Variants in DOCK5 observed in about 807,000 individuals in gnomAD.
The protein encoded by DOCK5 is dedicator of cytokinesis protein 5.
In DOCK5, 142 loss-of-function variants were observed where a neutral mutation model predicts 251.8. The ratio of observed to expected loss-of-function variants is 0.56; its 90% CI spans 0.49 to 0.65. DOCK5 has a LOEUF of 0.65. DOCK5 is among the 30% of genes least tolerant of loss of function. The pLI is 0.00. For synonymous variants in DOCK5, 842 were observed against 835.5 expected (o/e 1.01, Z -0.13); for missense variants, 2,111 against 2,312.3 (o/e 0.91, Z 1.79).
At chr8:25,246,806 A>G (rs963921330) in intron 2 of DOCK5, among the ~76,000 whole-genome samples, 3 of 149,652 alleles carry the variant, frequency 2.0e-5, no homozygotes, top group East Asian at 2.0e-4. Context: ...TGTTTTGTCA[A>G]GCTTTTCTAA....
intron 3 of DOCK5, among the ~76,000 whole-genome samples, chr8:25,272,500 G>A (rs796110180): frequency 5.3e-5 from 8 of 152,282 alleles, no homozygotes; most frequent in African/African-American, 1.9e-4. Flanking sequence ...GATTGTGAAT[G>A]CATGAAAATT....
intron 18 of DOCK5, among the ~76,000 whole-genome samples, chr8:25,328,239 CA>C (rs796609217): frequency 6.6e-6 from 1 of 151,484 alleles, no homozygotes; most frequent in Non-Finnish European, 1.5e-5. Context: ...ATAACACATA[CA>C]AAAAAAGTCA....
chr8:25,256,428 T>G (rs1242922813), intron 2 of DOCK5, among the ~76,000 whole-genome samples: 1 of 151,908 alleles, frequency 6.6e-6, no homozygotes, highest in Non-Finnish European at 1.5e-5. Flanking sequence ...CACTTGAGGT[T>G]AGGAGTTCAA....
chr8:25,337,439 A>G (rs957405398), intron 22 of DOCK5, among the ~76,000 whole-genome samples: 1 of 151,940 alleles, frequency 6.6e-6, no homozygotes, highest in African/African-American at 2.4e-5. Flanking sequence ...AAAGTGTCAC[A>G]TTTGTCCAGT....
chr8:25,401,540 C>T (rs974982155), intron 47 of DOCK5, among the ~76,000 whole-genome samples: 37 of 152,228 alleles, frequency 2.4e-4, no homozygotes, highest in African/African-American at 7.7e-4. Flanking sequence ...CGAGACCAGC[C>T]TGGCCAACAT....
chr8:25,207,607 T>A (rs1802032632), intron 1 of DOCK5, among the ~76,000 whole-genome samples: 1 of 152,224 alleles, frequency 6.6e-6, no homozygotes, highest in South Asian at 2.1e-4. Flanking sequence ...TGACAGTACA[T>A]CTGTTGACAG....
intron 11 of DOCK5, among the ~76,000 whole-genome samples, chr8:25,305,876 A>C (rs1804909234): frequency 1.3e-5 from 2 of 152,184 alleles, no homozygotes; most frequent in African/African-American, 4.8e-5. Flanking sequence ...ATTTCTGTTG[A>C]TGTAACTCTT....
intron 25 of DOCK5, among the ~76,000 whole-genome samples, chr8:25,343,986 C>A (rs932039575): frequency 3.4e-4 from 51 of 152,000 alleles, no homozygotes; most frequent in Admixed American, 9.2e-4. Context: ...TTTTTGTAAT[C>A]TTAGTAAAGC....
rs563970315 is a variant in DOCK5, at chr8:25,278,552, C to T, written c.225-17C>T. ...GATCAGCCTAGAAGAAAGTGACCCT[C>T]GTTTGGTTCTTTGTAGGCAGCATGA... On this transcript the variant is annotated splice_polypyrimidine_tract_variant and intron_variant, in intron 4 of 51. Coordinates refer to ENST00000276440, the MANE Select transcript of DOCK5 (RefSeq NM_024940.8). 6.9e-5 allele frequency: 112 copies of T among 1,613,016 alleles called. No homozygotes were observed. The highest frequency in any genetic ancestry group is 6.6e-4 in the Middle Eastern group (4 of 6,060).
intron 9 of DOCK5, among the ~76,000 whole-genome samples, chr8:25,300,885 C>T (rs967217700): frequency 1.3e-5 from 2 of 152,016 alleles, no homozygotes; most frequent in African/African-American, 4.8e-5. Context: ...AGCTTTTGTC[C>T]TGATTGGTAA....
chr8:25,400,015 A>G (rs3763520), intron 46 of DOCK5, 21 bp downstream of exon 46: 982,946 of 1,604,194 alleles, frequency 0.61, 306,632 homozygotes, highest in East Asian at 0.64. Flanking sequence ...GCTTTCCTCT[A>G]CACTCCCAGG....
chr8:25,302,070 G>A (rs1321254864), intron 9 of DOCK5, among the ~76,000 whole-genome samples: 2 of 152,282 alleles, frequency 1.3e-5, no homozygotes, highest in African/African-American at 2.4e-5. Context: ...GACTTCCAAC[G>A]GGCTGTGATC....
chr8:25,276,054 TTGTG>T (rs1185766953), intron 4 of DOCK5, among the ~76,000 whole-genome samples: 1 of 152,026 alleles, frequency 6.6e-6, no homozygotes, highest in Non-Finnish European at 1.5e-5. Context: ...TGTTCACTGA[TTGTG>T]TGTGTGTGCG....
In DOCK5 at chr8:25,382,854, G is replaced by A; in HGVS notation, c.4131+76G>A. 2.4e-6 allele frequency: 3 copies of A among 1,247,238 alleles called. No individual in the cohort carries two copies. In the East Asian group the frequency reaches 7.3e-5, roughly 31 times the overall value. 77.3% of individuals were successfully genotyped at this position (1,247,238 alleles called of 1,614,324 possible). On this transcript the variant is annotated intron_variant, in intron 40 of 51. Coordinates refer to ENST00000276440, the MANE Select transcript of DOCK5 (RefSeq NM_024940.8). The stretch of plus-strand genomic sequence containing the variant: ...TCATTTCTTTTCCAGATGGGCAACA[G>A]GGTGTTAGCAGCTGCCGACCCGTGT...
intron 2 of DOCK5, among the ~76,000 whole-genome samples, chr8:25,251,243 C>T (rs1029062960): frequency 3.3e-5 from 5 of 152,256 alleles, no homozygotes; most frequent in African/African-American, 4.8e-5. Flanking sequence ...CACAATTGAC[C>T]GCTGTTGGAA....
intron 1 of DOCK5, among the ~76,000 whole-genome samples, chr8:25,237,279 G>A (rs1802826979): frequency 6.6e-6 from 1 of 152,080 alleles, no homozygotes; most frequent in Admixed American, 6.6e-5. Context: ...TGAGGCGGGA[G>A]GATCACCAGA....
At chr8:25,214,607 G>A (rs558489101) in intron 1 of DOCK5, among the ~76,000 whole-genome samples, 15 of 152,212 alleles carry the variant, frequency 9.9e-5, no homozygotes, top group African/African-American at 3.4e-4. Context: ...ACTGTCAGCT[G>A]CCAACCCCTG....
chr8:25,369,680 C>T, intron 34 of DOCK5, 39 bp downstream of exon 34: 4 of 1,545,468 alleles, frequency 2.6e-6, no homozygotes, highest in Non-Finnish European at 3.5e-6. Flanking sequence ...TCAGTGGTGT[C>T]ATTTAGTAAT....
chr8:25,411,414 G>C lies in DOCK5; in HGVS notation c.*116G>C. ...CTGCTGACTGCATTTCCTGATCTGG[G>C]ATGATGTTTACCAGCCCAAAACCAG... On this transcript the variant is annotated 3_prime_UTR_variant, in exon 52 of 52. Coordinates refer to ENST00000276440, the MANE Select transcript of DOCK5 (RefSeq NM_024940.8). 1 of 1,297,982 alleles carries C rather than the reference G, an allele frequency of 7.7e-7. No homozygotes were observed. The highest frequency in any genetic ancestry group is 9.9e-7 in the Non-Finnish European group (1 of 1,012,446). 80.4% of individuals were successfully genotyped at this position (1,297,982 alleles called of 1,614,324 possible).
Sources: gnomAD v4.1 joint callset for allele counts (sites outside exome capture counted in the v4.1 genomes callset) on GRCh38, gnomAD v4.1.1 for gene constraint, MANE v1.5 for transcripts, NCBI Gene and HGNC (gene_info 2026-07-23, HGNC 2026-07-21) for gene names.